Variants in KLHL9 observed in about 807,000 individuals in gnomAD.
KLHL9 encodes kelch like family member 9.
KLHL9 carries 27 observed loss-of-function variants against 42.3 expected under a neutral mutation model. That is an observed-to-expected ratio of 0.64 (90% CI 0.47 to 0.88). KLHL9 has a LOEUF of 0.88. KLHL9 is among the 40% of genes least tolerant of loss of function. The probability of loss-of-function intolerance (pLI) is 0.00; values close to 1 mark genes in which losing one functional copy is unlikely to be tolerated. For synonymous variants in KLHL9, 274 were observed against 254.4 expected, an observed-to-expected ratio of 1.08 and a Z score of -0.73; for missense variants, 629 against 750.3, an observed-to-expected ratio of 0.84 and a Z score of 1.89.
rs1176716695 is a variant in KLHL9, at chr9:21,332,882, T to C, written c.*124A>G. Reference sequence around the variant, plus strand: ...CACTTGATAAACATACTAAAAGCCATACAAGACGAATAACATCAGTTACCT... The same window carrying C: ...CACTTGATAAACATACTAAAAGCCACACAAGACGAATAACATCAGTTACCT... On this transcript the variant is annotated 3_prime_UTR_variant, in exon 1 of 1. Transcript: ENST00000359039. The C allele has an allele frequency of 2.8e-6, 4 of 1,427,954 alleles. No individual in the cohort carries two copies. Among genetic ancestry groups the C allele is most frequent in the South Asian group, 1.4e-5 (1 of 72,464 alleles). The allele number at this position is 1,427,954 out of a possible 1,614,324, so 88.5% of individuals were successfully genotyped here.
Position 21,333,966 on chromosome 9 carries a change from A to AGT in KLHL9, c.892_893dup (p.His299LeufsTer6). The AGT allele has an allele frequency of 6.2e-7, 1 of 1,614,210 alleles. No individual in the cohort carries two copies. Among genetic ancestry groups the AGT allele is most frequent in the Non-Finnish European group, 8.5e-7 (1 of 1,180,026 alleles). The stretch of plus-strand genomic sequence containing the variant: ...AAACTCCTCCTAATGTAACCAAGTG[A>AGT]GTGGAGTCAGATCGAATGGCAGTTC... On this transcript the variant is annotated frameshift_variant, in exon 1 of 1. Transcript: ENST00000359039. LOFTEE classifies it high-confidence loss of function. This position sits in a 1 kb window ranked among gnomAD's most constrained non-coding sequence, Gnocchi z 7.5.
In KLHL9 at chr9:21,335,372, G is replaced by C. The variant is rs1820253729; in HGVS notation, c.-513C>G. ...ACCGGCCTAGCCCCAACACCGAGCCGCTCCTTCCGGAAAAGCCTAGTCCCA... is the reference window on the plus strand; with the variant it reads ...ACCGGCCTAGCCCCAACACCGAGCCCCTCCTTCCGGAAAAGCCTAGTCCCA... On this transcript the variant is annotated 5_prime_UTR_variant, in exon 1 of 1. Transcript: ENST00000359039. The C allele has an allele frequency of 4.9e-6, 2 of 412,100 alleles. No individual in the cohort carries two copies. Among genetic ancestry groups the C allele is most frequent in the Middle Eastern group, 6.4e-4 (1 of 1,568 alleles). 25.5% of individuals were successfully genotyped at this position (412,100 alleles called of 1,614,324 possible). A position where few individuals can be genotyped will look rare whatever the true frequency, so the allele number is the denominator to read the frequency against.
chr9:21,334,647 C>T lies in KLHL9; in HGVS notation c.213G>A (p.Ala71=). ...EIFPVHRAMM[A]SASDYFKAMF... Reference sequence around the variant, plus strand: ...TGGCTTTGAAATAATCACTAGCAGACGCCATCATAGCTCTGTGAACAGGGA... The same window carrying T: ...TGGCTTTGAAATAATCACTAGCAGATGCCATCATAGCTCTGTGAACAGGGA... Residue 71 remains alanine, a synonymous_variant, in exon 1 of 1, where the codon GCG becomes GCA. Coordinates refer to ENST00000359039, the MANE Select transcript of KLHL9 (RefSeq NM_018847.4). The surrounding 1 kb of genome is among the most constrained non-coding windows in gnomAD (Gnocchi z 5.1). The T allele has an allele frequency of 1.9e-6, 3 of 1,614,176 alleles. No homozygotes were observed. The highest frequency in any genetic ancestry group is 2.5e-6 in the Non-Finnish European group (3 of 1,180,030).
At position 21,334,668 on chromosome 9, in the gene KLHL9, A is replaced by T. The variant is rs1483366997; in HGVS notation, c.192T>A (p.Pro64=). 6 of 1,614,214 alleles carry T rather than the reference A, an allele frequency of 3.7e-6. No individual in the cohort carries two copies. The highest frequency in any genetic ancestry group is 5.1e-6 in the Non-Finnish European group (6 of 1,180,036). ...CAGACGCCATCATAGCTCTGTGAAC[A>T]GGGAAGATTTCATCTCCATCACCTG... is the stretch of plus-strand genomic sequence containing the variant. ...LVPGDGDEIF[P]VHRAMMASAS... Residue 64 remains proline (P), a synonymous_variant, in exon 1 of 1, where the codon CCT becomes CCA. Transcript: ENST00000359039. This position sits in a 1 kb window ranked among gnomAD's most constrained non-coding sequence, Gnocchi z 5.1.
rs1255928375 is a variant in KLHL9, at chr9:21,330,919, T to C, written c.*2087A>G. 6.9e-6 allele frequency: 1 copy of C among 144,776 alleles called. No homozygotes were observed. The allele number at this position is 144,776 out of a possible 1,614,324, so 9.0% of individuals were successfully genotyped here. On this transcript the variant is annotated 3_prime_UTR_variant, in exon 1 of 1. Coordinates refer to ENST00000359039, the MANE Select transcript of KLHL9 (RefSeq NM_018847.4). The stretch of plus-strand genomic sequence containing the variant: ...GACTGCACAACAGTGAGACCCTGTC[T>C]CAAAAAAAAAAAAAGACAAATTTGA...
Position 21,333,472 on chromosome 9 carries a change from A to C in KLHL9, c.1388T>G (p.Leu463Arg). 6.2e-7 allele frequency: 1 copy of C among 1,614,234 alleles called. No homozygotes were observed. The highest frequency in any genetic ancestry group is 1.7e-5 in the Admixed American group (1 of 60,032). The change falls in exon 1 of 1, where the codon CTC becomes CGC. Residue 463 changes from leucine (L) to arginine (R), a missense_variant. Leu to Arg is a moderately radical substitution (Grantham distance 102). Around this residue, in one of 4 missense-constraint regions of KLHL9, gnomAD observed 214 missense variants for 305.8 expected, o/e 0.70. Transcript: ENST00000359039. This position sits in a 1 kb window ranked among gnomAD's most constrained non-coding sequence, Gnocchi z 7.5. ...ATCTGTATCTGGGTCAAAACACATGAGCTCATTTTGGAAAGTGTCATGGGT... is the reference window on the plus strand; with the variant it reads ...ATCTGTATCTGGGTCAAAACACATGCGCTCATTTTGGAAAGTGTCATGGGT... Reference protein sequence around the residue: ...GITHDTFQNELMCFDPDTDKW... With the variant: ...GITHDTFQNERMCFDPDTDKW...
In KLHL9 at chr9:21,333,055, C is replaced by A. The variant is rs1820202634; in HGVS notation, c.1805G>T (p.Gly602Val). ...AAGAGGTGATTCTCTAGAAGGTGAC[C>A]CAGGGTTTTCTTCAGGTGGAAAAAC... is the stretch of plus-strand genomic sequence containing the variant. Reference protein sequence around the residue: ...LTVFPPEENPGSPSRESPLSA... With the variant: ...LTVFPPEENPVSPSRESPLSA... Residue 602 changes from glycine to valine, a missense_variant, in exon 1 of 1, where the codon GGG becomes GTG. This residue lies in a region of KLHL9 where 61 missense variants were observed against 63.5 expected (regional missense o/e 0.96). Coordinates refer to ENST00000359039, the MANE Select transcript of KLHL9 (RefSeq NM_018847.4). The surrounding 1 kb of genome is among the most constrained non-coding windows in gnomAD (Gnocchi z 7.5). 1 of 1,613,994 alleles carries A rather than the reference C, an allele frequency of 6.2e-7. No individual in the cohort carries two copies. Among genetic ancestry groups the A allele is most frequent in the Non-Finnish European group, 8.5e-7 (1 of 1,179,982 alleles).
At position 21,334,670 on chromosome 9, in the gene KLHL9, G is replaced by A; in HGVS notation, c.190C>T (p.Pro64Ser). The stretch of plus-strand genomic sequence containing the variant: ...GACGCCATCATAGCTCTGTGAACAG[G>A]GAAGATTTCATCTCCATCACCTGGT... ...LVPGDGDEIF[P>S]VHRAMMASAS... The change falls in exon 1 of 1, where the codon CCT (proline) becomes TCT (serine). Residue 64 changes from proline to serine, a missense_variant. Transcript: ENST00000359039. This position sits in a 1 kb window ranked among gnomAD's most constrained non-coding sequence, Gnocchi z 5.1. 1 of 1,614,052 alleles carries A rather than the reference G, an allele frequency of 6.2e-7. No homozygotes were observed. The highest frequency in any genetic ancestry group is 8.5e-7 in the Non-Finnish European group (1 of 1,180,010).
In KLHL9 at chr9:21,334,265, C is replaced by A; in HGVS notation, c.595G>T (p.Ala199Ser). ...AGACTATTACTGGAAAGCACAAATG[C>A]AAGTCGTTCAAAAGGGAGTTTTAGA... ...EFLKLPFERL[A>S]FVLSSNSLKH... Residue 199 changes from alanine (A) to serine (S), a missense_variant, in exon 1 of 1, where the codon GCA becomes TCA. Physicochemically the swap from Ala to Ser is moderately conservative, Grantham distance 99. This residue lies in a region of KLHL9 where 351 missense variants were observed against 363.1 expected (regional missense o/e 0.97). Transcript: ENST00000359039. The surrounding 1 kb of genome is among the most constrained non-coding windows in gnomAD (Gnocchi z 5.1). 6.2e-7 allele frequency: 1 copy of A among 1,614,108 alleles called. No individual in the cohort carries two copies.
In KLHL9 at chr9:21,331,698, G is replaced by C. The variant is rs1820174180; in HGVS notation, c.*1308C>G. ...TTTGGCATTGAAGAGGCTGAGGGTT[G>C]ATTTTAGTACTGCTTGTAAGACCAT... On this transcript the variant is annotated 3_prime_UTR_variant, in exon 1 of 1. Coordinates refer to ENST00000359039, the MANE Select transcript of KLHL9 (RefSeq NM_018847.4). 1 of 152,326 alleles carries C rather than the reference G, an allele frequency of 6.6e-6. No individual in the cohort carries two copies. The highest frequency in any genetic ancestry group is 1.5e-5 in the Non-Finnish European group (1 of 68,024). The allele number at this position is 152,326 out of a possible 1,614,324, so 9.4% of individuals were successfully genotyped here.
chr9:21,333,495 G>C lies in KLHL9; in HGVS notation c.1365C>G (p.Thr455=), dbSNP rs1252464151. 1 of 1,614,056 alleles carries C rather than the reference G, an allele frequency of 6.2e-7. No individual in the cohort carries two copies. ...GGLMYISGGI[T]HDTFQNELMC... is the part of the protein sequence containing the mutation. ...TGAGCTCATTTTGGAAAGTGTCATG[G>C]GTAATTCCTCCTGAAATATACATTA... Residue 455 remains threonine, a synonymous_variant, in exon 1 of 1, where the codon ACC becomes ACG. Coordinates refer to ENST00000359039, the MANE Select transcript of KLHL9 (RefSeq NM_018847.4). This position sits in a 1 kb window ranked among gnomAD's most constrained non-coding sequence, Gnocchi z 7.5.
In KLHL9 at chr9:21,333,225, A is replaced by C. The variant is rs1158021608; in HGVS notation, c.1635T>G (p.Asn545Lys). ...QSDVGVAVFE[N>K]KIYVVGGYSW... ...AATATCCACCAACAACATAGATTTT[A>C]TTTTCAAAGACGGCAACTCCAACAT... Residue 545 changes from asparagine to lysine, a missense_variant, in exon 1 of 1, where the codon AAT becomes AAG. By Grantham distance (94) the Asn-to-Lys change is moderately conservative. Coordinates refer to ENST00000359039, the MANE Select transcript of KLHL9 (RefSeq NM_018847.4). This position sits in a 1 kb window ranked among gnomAD's most constrained non-coding sequence, Gnocchi z 7.5. The C allele has an allele frequency of 1.9e-6, 3 of 1,613,656 alleles. No homozygotes were observed. The highest frequency in any genetic ancestry group is 8.5e-7 in the Non-Finnish European group (1 of 1,179,582).
chr9:21,334,849 G>T lies in KLHL9; in HGVS notation c.11C>A (p.Ser4Tyr). The change falls in exon 1 of 1, where the codon TCC becomes TAC. Residue 4 changes from serine to tyrosine, a missense_variant. Around this residue, in one of 4 missense-constraint regions of KLHL9, gnomAD observed 351 missense variants for 363.1 expected, o/e 0.97. Coordinates refer to ENST00000359039, the MANE Select transcript of KLHL9 (RefSeq NM_018847.4). This position sits in a 1 kb window ranked among gnomAD's most constrained non-coding sequence, Gnocchi z 5.1. ...GACGCCCATTTCGCCGTTACCAAGGGACACTTTCATGTGAAAGCTTTCCTC... is the reference window on the plus strand; with the variant it reads ...GACGCCCATTTCGCCGTTACCAAGGTACACTTTCATGTGAAAGCTTTCCTC... MKV[S>Y]LGNGEMGVSA... The T allele has an allele frequency of 6.2e-7, 1 of 1,614,156 alleles. No individual in the cohort carries two copies. Among genetic ancestry groups the T allele is most frequent in the Non-Finnish European group, 8.5e-7 (1 of 1,180,016 alleles).
At position 21,335,108 on chromosome 9, in the gene KLHL9, TA is replaced by T; in HGVS notation, c.-250del. On this transcript the variant is annotated 5_prime_UTR_variant, in exon 1 of 1. Coordinates refer to ENST00000359039, the MANE Select transcript of KLHL9 (RefSeq NM_018847.4). ...AGATGATTCATCACCTGAAGGCGGT[TA>T]AATGACCTGGTTCACCTCGTCCGGC... 1 of 558,628 alleles carries T rather than the reference TA, an allele frequency of 1.8e-6. No homozygotes were observed. Among genetic ancestry groups the T allele is most frequent in the South Asian group, 2.6e-5 (1 of 38,060 alleles). The allele number at this position is 558,628 out of a possible 1,614,324, so 34.6% of individuals were successfully genotyped here. A position where few individuals can be genotyped will look rare whatever the true frequency, so the allele number is the denominator to read the frequency against.
chr9:21,332,773 A>C lies in KLHL9; in HGVS notation c.*233T>G, dbSNP rs1040751026. On this transcript the variant is annotated 3_prime_UTR_variant, in exon 1 of 1. Transcript: ENST00000359039. ...CTACAATTTTATATAACATCACAAA[A>C]AGACATCTAAACATTTTTCTACGTC... is the stretch of plus-strand genomic sequence containing the variant. The C allele has an allele frequency of 3.2e-5, 18 of 555,234 alleles. No individual in the cohort carries two copies. Among genetic ancestry groups the C allele is most frequent in the African/African-American group, 2.6e-4 (14 of 52,994 alleles). The allele number at this position is 555,234 out of a possible 1,614,324, so 34.4% of individuals were successfully genotyped here.
At position 21,334,960 on chromosome 9, in the gene KLHL9, T is replaced by C. The variant is rs572239522; in HGVS notation, c.-101A>G. The C allele has an allele frequency of 1.8e-5, 28 of 1,533,090 alleles. No individual in the cohort carries two copies. The African/African-American group carries it at 3.7e-4, about 20-fold the overall frequency. The allele number at this position is 1,533,090 out of a possible 1,614,324, so 95.0% of individuals were successfully genotyped here. ...GTGTCCAGAAAGAACAGAAAGCTCG[T>C]TTCCTTATCAAGGGAAGGCAGTCAC... On this transcript the variant is annotated 5_prime_UTR_variant, in exon 1 of 1. Coordinates refer to ENST00000359039, the MANE Select transcript of KLHL9 (RefSeq NM_018847.4). This position sits in a 1 kb window ranked among gnomAD's most constrained non-coding sequence, Gnocchi z 5.1.
At position 21,332,896 on chromosome 9, in the gene KLHL9, C is replaced by A. The variant is rs1022741761; in HGVS notation, c.*110G>T. 1.3e-6 allele frequency: 2 copies of A among 1,498,312 alleles called. No individual in the cohort carries two copies. The highest frequency in any genetic ancestry group is 2.2e-5 in the Admixed American group (1 of 46,130). 92.8% of individuals were successfully genotyped at this position (1,498,312 alleles called of 1,614,324 possible). ...ACTAAAAGCCATACAAGACGAATAA[C>A]ATCAGTTACCTTTATATCTAATAAC... On this transcript the variant is annotated 3_prime_UTR_variant, in exon 1 of 1. Coordinates refer to ENST00000359039, the MANE Select transcript of KLHL9 (RefSeq NM_018847.4).
chr9:21,335,229 C>T lies in KLHL9; in HGVS notation c.-370G>A. 2.0e-6 allele frequency: 1 copy of T among 499,134 alleles called. No homozygotes were observed. Among genetic ancestry groups the T allele is most frequent in the Non-Finnish European group, 3.6e-6 (1 of 275,890 alleles). 30.9% of individuals were successfully genotyped at this position (499,134 alleles called of 1,614,324 possible). A position where few individuals can be genotyped will look rare whatever the true frequency, so the allele number is the denominator to read the frequency against. On this transcript the variant is annotated 5_prime_UTR_variant, in exon 1 of 1. Transcript: ENST00000359039. ...CGGCCCGCTCGGCGGCGGGTCCGGA[C>T]ACCTCAGCGAACGGCCCGCTGCGCC... is the stretch of plus-strand genomic sequence containing the variant.
In KLHL9 at chr9:21,334,300, G is replaced by A. The variant is rs780821611; in HGVS notation, c.560C>T (p.Thr187Ile). Residue 187 changes from threonine to isoleucine, a missense_variant, in exon 1 of 1, where the codon ACT becomes ATT. Physicochemically the swap from Thr to Ile is moderately conservative, Grantham distance 89. Coordinates refer to ENST00000359039, the MANE Select transcript of KLHL9 (RefSeq NM_018847.4). The surrounding 1 kb of genome is among the most constrained non-coding windows in gnomAD (Gnocchi z 5.1). ...ILKNFPALLS[T>I]GEFLKLPFER... ...AAAAGGGAGTTTTAGAAACTCCCCA[G>A]TACTCAATAAAGCAGGAAAGTTCTT... 6.8e-6 allele frequency: 11 copies of A among 1,613,962 alleles called. No homozygotes were observed. In the South Asian group the frequency reaches 1.2e-4, roughly 18 times the overall value.
Sources: gnomAD v4.1 joint callset for allele counts on GRCh38, gnomAD v4.1.1 for gene constraint, gnomAD v4.1.1 regional missense constraint, Gnocchi (gnomAD v3.1) non-coding constraint, MANE v1.5 for transcripts, NCBI Gene and HGNC (gene_info 2026-07-23, HGNC 2026-07-21) for gene names.